The following HHIPL1 variants were observed in gnomAD, a reference collection of about 807,000 sequenced individuals.
HHIPL1 encodes the protein HHIP-like protein 1.
HHIPL1 carries 43 observed loss-of-function variants against 61.8 expected under a neutral mutation model. The ratio of observed to expected loss-of-function variants is 0.70; its 90% confidence interval spans 0.55 to 0.90. The LOEUF is 0.90. Ranked by LOEUF, HHIPL1 falls within the 40% of genes least tolerant of loss-of-function variation. The pLI, the probability that HHIPL1 is intolerant of heterozygous loss-of-function variation, is 0.00. For synonymous variants in HHIPL1, 482 were observed against 515.8 expected (o/e 0.93, Z 0.89); for missense variants, 1,056 against 1,157.7 (o/e 0.91, Z 1.28).
the HHIPL1 span, among the ~76,000 whole-genome samples, chr14:99,610,508 C>G: frequency 0.036 from 5,523 of 152,168 alleles, 342 homozygotes; most frequent in African/African-American, 0.13. Context: ...ACCTGTAATC[C>G]CAGCACTTTG....
chr14:99,666,256 C>T (rs1243615142), intron 6 of HHIPL1, among the ~76,000 whole-genome samples: 3 of 152,140 alleles, frequency 2.0e-5, no homozygotes, highest in East Asian at 1.9e-4. Context: ...GACTGAGAGA[C>T]GGGAGGACAG....
At chr14:99,618,544 C>T in the HHIPL1 span, among the ~76,000 whole-genome samples, 1 of 152,236 alleles carries the variant, frequency 6.6e-6, no homozygotes, top group African/African-American at 2.4e-5. Flanking sequence ...CCTGATGTCC[C>T]TAAAGTCTAC....
In HHIPL1 at chr14:99,652,345, T is replaced by C; in HGVS notation, c.377T>C (p.Phe126Ser). 1 of 1,614,170 alleles carries C rather than the reference T, an allele frequency of 6.2e-7. No homozygotes were observed. Among genetic ancestry groups the C allele is most frequent in the Non-Finnish European group, 8.5e-7 (1 of 1,180,034 alleles). ...ATGTGGCATAAGTGCCGGGGGCTGT[T>C]CCGTCACCTGTCAACTGACCAGGAG... ...LDMWHKCRGL[F>S]RHLSTDQELW... The change falls in exon 2 of 9, where the codon TTC becomes TCC. Residue 126 changes from phenylalanine to serine, a missense_variant. Phe to Ser is a radical substitution (Grantham distance 155). Transcript: ENST00000330710.
chr14:99,623,792 G>A, the HHIPL1 span, among the ~76,000 whole-genome samples: 3 of 152,116 alleles, frequency 2.0e-5, no homozygotes, highest in Non-Finnish European at 4.4e-5. Context: ...TCCCGAGCCT[G>A]CTGTACCTGT....
At chr14:99,613,032 C>T in the HHIPL1 span, among the ~76,000 whole-genome samples, 1 of 152,180 alleles carries the variant, frequency 6.6e-6, no homozygotes, top group Non-Finnish European at 1.5e-5. Context: ...AATGTGGCTT[C>T]TGCTGGCTGC....
the HHIPL1 span, among the ~76,000 whole-genome samples, chr14:99,616,383 A>G: frequency 6.6e-6 from 1 of 152,340 alleles, no homozygotes; most frequent in South Asian, 2.1e-4. Context: ...ATAATATGTA[A>G]ACAATACTAA....
the HHIPL1 span, among the ~76,000 whole-genome samples, chr14:99,610,068 C>T: frequency 6.6e-6 from 1 of 152,168 alleles, no homozygotes; most frequent in Non-Finnish European, 1.5e-5. Flanking sequence ...CATCTGACCC[C>T]TCCCTTTCCA....
chr14:99,612,201 G>A, the HHIPL1 span, among the ~76,000 whole-genome samples: 1 of 152,296 alleles, frequency 6.6e-6, no homozygotes, highest in East Asian at 1.9e-4. Flanking sequence ...GATGGGGAGA[G>A]CCCCTTAGAA....
In HHIPL1 at chr14:99,675,896, A is replaced by G; in HGVS notation, c.*270A>G. 1 of 390,244 alleles carries G rather than the reference A, an allele frequency of 2.6e-6. No individual in the cohort carries two copies. Among genetic ancestry groups the G allele is most frequent in the Non-Finnish European group, 4.5e-6 (1 of 219,930 alleles). 24.2% of individuals were successfully genotyped at this position (390,244 alleles called of 1,614,324 possible). ...CCTTTCTTACCTCCAAGCGTTTCAGACACCAGCAGGAACAGCAGCCGGGCT... is the reference window on the plus strand; with the variant it reads ...CCTTTCTTACCTCCAAGCGTTTCAGGCACCAGCAGGAACAGCAGCCGGGCT... On this transcript the variant is annotated 3_prime_UTR_variant, in exon 9 of 9. Transcript: ENST00000330710. This position sits in a 1 kb window ranked among gnomAD's most constrained non-coding sequence, Gnocchi z 5.4.
At chr14:99,612,639 CTG>C in the HHIPL1 span, among the ~76,000 whole-genome samples, 6 of 152,200 alleles carry the variant, frequency 3.9e-5, no homozygotes, top group African/African-American at 1.4e-4. Flanking sequence ...ACTTCTGTAA[CTG>C]TTGCACCACT....
At chr14:99,634,788 G>A in the HHIPL1 span, among the ~76,000 whole-genome samples, 1 of 152,204 alleles carries the variant, frequency 6.6e-6, no homozygotes, top group South Asian at 2.1e-4. Flanking sequence ...GCAAGTCAGG[G>A]GAGGAAGGCA....
chr14:99,605,176 G>A, the HHIPL1 span, among the ~76,000 whole-genome samples: 28 of 152,206 alleles, frequency 1.8e-4, no homozygotes, highest in African/African-American at 6.8e-4. Context: ...TCTGCAATTC[G>A]CGGGGTGGAA....
intron 8 of HHIPL1, among the ~76,000 whole-genome samples, chr14:99,674,511 T>G (rs1391541150): frequency 6.6e-6 from 1 of 152,070 alleles, no homozygotes; most frequent in Non-Finnish European, 1.5e-5. Context: ...GTGCCAACCT[T>G]GGGAACCAGG....
At chr14:99,663,653 T>C (rs1443667561) in intron 6 of HHIPL1, among the ~76,000 whole-genome samples, 1 of 152,190 alleles carries the variant, frequency 6.6e-6, no homozygotes, top group African/African-American at 2.4e-5. Flanking sequence ...ACCCAGCTCT[T>C]ATTTAAGATG....
chr14:99,641,634 G>A (rs1039470256), upstream of HHIPL1, among the ~76,000 whole-genome samples: 2 of 151,382 alleles, frequency 1.3e-5, no homozygotes, highest in East Asian at 2.0e-4. Context: ...TGCTGGTCTC[G>A]ACTTCCTGAC....
At chr14:99,646,319 T>C (rs1040744739) in intron 1 of HHIPL1, among the ~76,000 whole-genome samples, 1 of 151,840 alleles carries the variant, frequency 6.6e-6, no homozygotes, top group Non-Finnish European at 1.5e-5. Context: ...AGGCCTGGGG[T>C]GGAGAGGCCC....
chr14:99,656,567 G>A (rs534005550), intron 2 of HHIPL1, among the ~76,000 whole-genome samples: 12 of 152,074 alleles, frequency 7.9e-5, no homozygotes, highest in African/African-American at 2.7e-4. Flanking sequence ...CTTGCGGTCA[G>A]GAGGTTGAGA....
chr14:99,646,825 ATGATATG>A (rs1308539076), intron 1 of HHIPL1, among the ~76,000 whole-genome samples: 1 of 67,578 alleles, frequency 1.5e-5, no homozygotes, highest in African/African-American at 4.2e-5. Context: ...ATGATATGAT[ATGATATG>A]ATATAATATA....
In HHIPL1 at chr14:99,659,853, C is replaced by G. The variant is rs1430629711; in HGVS notation, c.1375+97C>G. On this transcript the variant is annotated intron_variant, in intron 4 of 8. Coordinates refer to ENST00000330710, the MANE Select transcript of HHIPL1 (RefSeq NM_001127258.3). ...GCCTCCCTCGGAGACCGCACCCCCC[C>G]CCCCCCGGAGATCCCTGACCCTGAG... 4.8e-5 allele frequency: 27 copies of G among 566,518 alleles called. 1 individual carries two copies. Among genetic ancestry groups the G allele is most frequent in the Middle Eastern group, 5.1e-4 (1 of 1,958 alleles). 35.1% of individuals were successfully genotyped at this position (566,518 alleles called of 1,614,324 possible).
Sources: allele counts gnomAD v4.1 joint callset (sites outside exome capture counted in the v4.1 genomes callset), GRCh38; gene constraint gnomAD v4.1.1; non-coding constraint Gnocchi (gnomAD v3.1); transcripts MANE v1.5; gene names NCBI Gene and HGNC (gene_info 2026-07-23, HGNC 2026-07-21).